PXK: variants seen among roughly 807,000 people sequenced by gnomAD.
PXK encodes PX domain-containing protein kinase-like protein.
Under a neutral mutation model 84.7 loss-of-function variants are expected in PXK, and 35 were observed. That is an observed-to-expected ratio of 0.41 (90% confidence interval 0.32 to 0.55). The LOEUF is 0.55. Ranked by LOEUF, PXK falls within the 20% of genes least tolerant of loss-of-function variation. The pLI is 0.21. For synonymous variants in PXK, 253 were observed against 260.8 expected, an observed-to-expected ratio of 0.97 and a Z score of 0.29; for missense variants, 634 against 699.7, an observed-to-expected ratio of 0.91 and a Z score of 1.06.
intron 1 of PXK, among the ~76,000 whole-genome samples, chr3:58,346,979 C>G (rs112364496): frequency 0.025 from 3,829 of 152,258 alleles, 162 homozygotes; most frequent in African/African-American, 0.087. Flanking sequence ...GCTGGGACTA[C>G]AGGCGCGTGC....
intron 3 of PXK, among the ~76,000 whole-genome samples, chr3:58,373,295 G>GTCT (rs1470256830): frequency 1.5e-5 from 2 of 133,252 alleles, no homozygotes; most frequent in East Asian, 3.9e-4. Context: ...AGCCAGGATG[G>GTCT]TGATCTCCTG....
intron 2 of PXK, 67 bp from the exon 3 acceptor site, chr3:58,369,364 T>C (rs376167334): frequency 7.9e-7 from 1 of 1,272,910 alleles, no homozygotes; most frequent in African/African-American, 1.5e-5. Flanking sequence ...TTCTAATACA[T>C]ATTAAATAAA....
Position 58,401,755 on chromosome 3 carries a change from T to A in PXK, c.1182-2107T>A, listed in dbSNP as rs544521459. ...TCCTAGCTAACACGGTGAAACCCTGTCTCTACTAAAAATGCAAAAAAATTA... is the reference window on the plus strand; with the variant it reads ...TCCTAGCTAACACGGTGAAACCCTGACTCTACTAAAAATGCAAAAAAATTA... On this transcript the variant is annotated intron_variant, in intron 12 of 17. Transcript: ENST00000356151. This position sits in a 1 kb window ranked among gnomAD's most constrained non-coding sequence, Gnocchi z 4.4. 1.0e-3 allele frequency among the ~76,000 whole-genome samples: 159 copies of A among 152,146 alleles called. 2 individuals carry two copies. The highest frequency in any genetic ancestry group is 6.8e-3 in the Middle Eastern group (2 of 292).
chr3:58,397,707 C>T lies in PXK; in HGVS notation c.1087C>T (p.Pro363Ser), dbSNP rs1243294638. The change falls in exon 11 of 18, where the codon CCG becomes TCG. Residue 363 changes from proline (P) to serine (S), a missense_variant. Transcript: ENST00000356151. This position sits in a 1 kb window ranked among gnomAD's most constrained non-coding sequence, Gnocchi z 4.7. ...SVPVDSFPPA[P>S]SMAVVAVLES... ...GCCTGTGGACTCCTTCCCTCCTGCC[C>T]CGTCCATGGCTGTGGGTCAGTATGG... The T allele has an allele frequency of 1.9e-6, 3 of 1,613,500 alleles. No individual in the cohort carries two copies. The East Asian group carries it at 6.7e-5, about 36-fold the overall frequency.
In PXK at chr3:58,411,709, G is replaced by A. The variant is rs1213291030; in HGVS notation, c.1466-1192G>A. On this transcript the variant is annotated intron_variant, in intron 16 of 17. Coordinates refer to ENST00000356151, the MANE Select transcript of PXK (RefSeq NM_017771.5). This position sits in a 1 kb window ranked among gnomAD's most constrained non-coding sequence, Gnocchi z 4.2. Reference sequence around the variant, plus strand: ...ATACCCCAGTGCCCTCAGGAGTTTAGGAAAATGAAGTAGCAGTTGATGGAT... The same window carrying A: ...ATACCCCAGTGCCCTCAGGAGTTTAAGAAAATGAAGTAGCAGTTGATGGAT... 6.6e-6 allele frequency among the ~76,000 whole-genome samples: 1 copy of A among 152,150 alleles called. No individual in the cohort carries two copies. The highest frequency in any genetic ancestry group is 1.5e-5 in the Non-Finnish European group (1 of 68,036).
chr3:58,351,299 C>A (rs1468561325), intron 1 of PXK, among the ~76,000 whole-genome samples: 1 of 152,112 alleles, frequency 6.6e-6, no homozygotes, highest in Non-Finnish European at 1.5e-5. Flanking sequence ...CTCCATCTCC[C>A]TGGGCTTAAA....
In PXK at chr3:58,378,501, T is replaced by C. The variant is rs1401328715; in HGVS notation, c.202-4013T>C. ...GGACTTCATTTTTCTTCTTTTTTTT[T>C]TTTTTTTTTTTTGTGTGTGTGTGTG... On this transcript the variant is annotated intron_variant, in intron 3 of 17. Coordinates refer to ENST00000356151, the MANE Select transcript of PXK (RefSeq NM_017771.5). 2.2e-4 allele frequency among the ~76,000 whole-genome samples: 16 copies of C among 74,194 alleles called. 1 individual carries two copies. The highest frequency in any genetic ancestry group is 5.7e-4 in the South Asian group (1 of 1,758). The allele number at this position is 74,194 out of a possible 152,430, so 48.7% of individuals were successfully genotyped here. A position where few individuals can be genotyped will look rare whatever the true frequency, so the allele number is the denominator to read the frequency against.
In PXK at chr3:58,421,721, G is replaced by A. The variant is rs118164418; in HGVS notation, c.1529-3031G>A. The A allele has an allele frequency of 2.0e-4, 200 of 985,450 alleles. 5 individuals are homozygous for A. In the East Asian group the frequency reaches 0.017, roughly 84 times the overall value. The allele number at this position is 985,450 out of a possible 1,614,324, so 61.0% of individuals were successfully genotyped here. ...TCTGCCCTCTGACAGGGCCTCTGCT[G>A]GACTGCCAGGTTCCCGTGTGGTTTG... is the stretch of plus-strand genomic sequence containing the variant. On this transcript the variant is annotated intron_variant, in intron 17 of 17. Transcript: ENST00000356151. This position sits in a 1 kb window ranked among gnomAD's most constrained non-coding sequence, Gnocchi z 5.5.
rs2098117290 is a variant in PXK, at chr3:58,357,816, G to C, written c.103-8058G>C. On this transcript the variant is annotated intron_variant, in intron 1 of 17. Coordinates refer to ENST00000356151, the MANE Select transcript of PXK (RefSeq NM_017771.5). ...AATACAAAAATTAGCCTGGCTTGGT[G>C]GTGGGCACCTGTAATCCCAGCTACT... Among the ~76,000 whole-genome samples the C allele has an allele frequency of 1.3e-5, 2 of 152,102 alleles. 1 individual carries two copies. The highest frequency in any genetic ancestry group is 2.9e-5 in the Non-Finnish European group (2 of 68,002).
At chr3:58,373,514 A>G (rs190641112) in intron 3 of PXK, among the ~76,000 whole-genome samples, 2 of 152,306 alleles carry the variant, frequency 1.3e-5, no homozygotes, top group East Asian at 3.9e-4. Context: ...GGAGAGACTT[A>G]CTGTACTCCA....
intron 3 of PXK, among the ~76,000 whole-genome samples, chr3:58,378,506 TTTTTTTTG>T (rs1222749646): frequency 1.5e-5 from 1 of 66,452 alleles, no homozygotes; most frequent in African/African-American, 5.5e-5. Context: ...TTTTTTTTTT[TTTTTTTTG>T]TGTGTGTGTG....
rs1312220990 is a variant in PXK, at chr3:58,421,538, C to G, written c.1529-3214C>G. On this transcript the variant is annotated intron_variant, in intron 17 of 17. Transcript: ENST00000356151. The surrounding 1 kb of genome is among the most constrained non-coding windows in gnomAD (Gnocchi z 5.5). ...GAGCTTGCAGTGAGCCGAGATCGCG[C>G]CACTGCACTCCAGCCTGGGCAACAG... 6.3e-6 allele frequency: 6 copies of G among 947,410 alleles called. No homozygotes were observed. Among genetic ancestry groups the G allele is most frequent in the Non-Finnish European group, 7.6e-6 (6 of 793,450 alleles). 58.7% of individuals were successfully genotyped at this position (947,410 alleles called of 1,614,324 possible). A position where few individuals can be genotyped will look rare whatever the true frequency, so the allele number is the denominator to read the frequency against.
rs2098361884 is a variant in PXK, at chr3:58,370,990, ACT to A, written c.201+1515_201+1516del. On this transcript the variant is annotated intron_variant, in intron 3 of 17. Transcript: ENST00000356151. The surrounding 1 kb of genome is among the most constrained non-coding windows in gnomAD (Gnocchi z 4.2). ...ACTGCATCCTGGGCAATAGAGCAAG[ACT>A]CTGTCTCAAAAAACAAACAAACAAA... Among the ~76,000 whole-genome samples, 1 of 152,112 alleles carries A rather than the reference ACT, an allele frequency of 6.6e-6. No homozygotes were observed. Among genetic ancestry groups the A allele is most frequent in the Non-Finnish European group, 1.5e-5 (1 of 68,016 alleles).
chr3:58,349,634 G>T (rs2097885664), intron 1 of PXK, among the ~76,000 whole-genome samples: 1 of 152,084 alleles, frequency 6.6e-6, no homozygotes, highest in South Asian at 2.1e-4. Context: ...GGGATTACAG[G>T]CATGAGCCAC....
rs1271139674 is a variant in PXK, at chr3:58,401,025, C to G, written c.1181+1648C>G. ...TTGTACTTAGGAAATAGCCTATATACAGGTTGATTTACTTGAGTTTGCATT... is the reference window on the plus strand; with the variant it reads ...TTGTACTTAGGAAATAGCCTATATAGAGGTTGATTTACTTGAGTTTGCATT... On this transcript the variant is annotated intron_variant, in intron 12 of 17. Transcript: ENST00000356151. The surrounding 1 kb of genome is among the most constrained non-coding windows in gnomAD (Gnocchi z 4.4). Among the ~76,000 whole-genome samples the G allele has an allele frequency of 6.6e-6, 1 of 152,242 alleles. No individual in the cohort carries two copies. Among genetic ancestry groups the G allele is most frequent in the Non-Finnish European group, 1.5e-5 (1 of 68,046 alleles).
In PXK at chr3:58,409,071, A is replaced by G; in HGVS notation, c.1308+70A>G. 8.8e-7 allele frequency: 1 copy of G among 1,141,734 alleles called. No individual in the cohort carries two copies. The highest frequency in any genetic ancestry group is 1.3e-6 in the Non-Finnish European group (1 of 771,440). The allele number at this position is 1,141,734 out of a possible 1,614,324, so 70.7% of individuals were successfully genotyped here. A position where few individuals can be genotyped will look rare whatever the true frequency, so the allele number is the denominator to read the frequency against. On this transcript the variant is annotated intron_variant, in intron 14 of 17. Transcript: ENST00000356151. This position sits in a 1 kb window ranked among gnomAD's most constrained non-coding sequence, Gnocchi z 4.2. ...TCTGCCGTGGTTTTTATAGTGATTGACCTTTGACTGTTCCCTCTGCAAATA... is the reference window on the plus strand; with the variant it reads ...TCTGCCGTGGTTTTTATAGTGATTGGCCTTTGACTGTTCCCTCTGCAAATA...
At chr3:58,348,625 A>C (rs2097862610) in intron 1 of PXK, among the ~76,000 whole-genome samples, 1 of 152,126 alleles carries the variant, frequency 6.6e-6, no homozygotes, top group Non-Finnish European at 1.5e-5. Flanking sequence ...AAAAATTATT[A>C]CTATGTTAGG....
rs1390842148 is a variant in PXK, at chr3:58,390,823, TA to T, written c.466+166del. Among the ~76,000 whole-genome samples the T allele has an allele frequency of 2.0e-5, 3 of 152,236 alleles. No individual in the cohort carries two copies. Among genetic ancestry groups the T allele is most frequent in the Non-Finnish European group, 4.4e-5 (3 of 68,044 alleles). On this transcript the variant is annotated intron_variant, in intron 5 of 17. Coordinates refer to ENST00000356151, the MANE Select transcript of PXK (RefSeq NM_017771.5). The surrounding 1 kb of genome is among the most constrained non-coding windows in gnomAD (Gnocchi z 4.2). ...GATACAGCTGGTAACTTTTAATACT[TA>T]ATGAACCTTGGTTAAAGCCCCATCA...
intron 3 of PXK, among the ~76,000 whole-genome samples, chr3:58,381,420 A>G (rs1210029864): frequency 6.6e-6 from 1 of 152,042 alleles, no homozygotes; most frequent in East Asian, 1.9e-4. Context: ...GCAGCAGTGT[A>G]GGGACCGCCA....
Sources: gnomAD v4.1 joint callset for allele counts (sites outside exome capture counted in the v4.1 genomes callset) on GRCh38, gnomAD v4.1.1 for gene constraint, Gnocchi (gnomAD v3.1) non-coding constraint, MANE v1.5 for transcripts, NCBI Gene and HGNC (gene_info 2026-07-23, HGNC 2026-07-21) for gene names.